The following MYO3A variants were observed in gnomAD, a reference collection of about 807,000 sequenced individuals.
MYO3A encodes myosin IIIA.
In MYO3A, 180 loss-of-function variants were observed where a neutral mutation model predicts 192.7. The ratio of observed to expected loss-of-function variants is 0.93; its 90% CI spans 0.83 to 1.06. The LOEUF is 1.06. Among genes scored for constraint, MYO3A ranks in the 50% least tolerant of loss-of-function variants. The pLI is 0.00. For missense variants in MYO3A, 1,896 were observed against 1,905.0 expected, an observed-to-expected ratio of 1.00 and a Z score of 0.09; for synonymous variants, 628 against 645.3, an observed-to-expected ratio of 0.97 and a Z score of 0.41.
intron 17 of MYO3A, among the ~76,000 whole-genome samples, chr10:26,102,844 G>A (rs551364549): frequency 6.6e-6 from 1 of 152,320 alleles, no homozygotes; most frequent in South Asian, 2.1e-4. Context: ...GCTACTCAGG[G>A]GTCAGGGACC....
intron 10 of MYO3A, among the ~76,000 whole-genome samples, chr10:26,027,298 A>G (rs1181185494): frequency 6.6e-6 from 1 of 152,170 alleles, no homozygotes; most frequent in Non-Finnish European, 1.5e-5. Flanking sequence ...ATAATCAAGT[A>G]TAACATTTTA....
At chr10:26,146,767 ACTATATTGGATC>A (rs749041162) in intron 22 of MYO3A, among the ~76,000 whole-genome samples, 14 of 152,230 alleles carry the variant, frequency 9.2e-5, no homozygotes, top group Admixed American at 2.0e-4. Context: ...CATAACAAAT[ACTATATTGGATC>A]ATTTCCACAA....
chr10:25,990,509 A>G (rs998885153), intron 4 of MYO3A, among the ~76,000 whole-genome samples: 6 of 149,968 alleles, frequency 4.0e-5, no homozygotes, highest in African/African-American at 1.5e-4. Context: ...TCTTTTTTTA[A>G]TATATATATT....
At chr10:26,074,519 A>G (rs1018993264) in intron 14 of MYO3A, among the ~76,000 whole-genome samples, 1 of 150,392 alleles carries the variant, frequency 6.6e-6, no homozygotes, top group African/African-American at 2.4e-5. Context: ...GTGTCTGTTC[A>G]TGCACCAGTG....
At chr10:26,077,333 T>C (rs1835657139) in intron 14 of MYO3A, among the ~76,000 whole-genome samples, 1 of 149,542 alleles carries the variant, frequency 6.7e-6, no homozygotes, top group Non-Finnish European at 1.5e-5. Context: ...GAATTACTGA[T>C]TTGTATATAT....
At chr10:26,009,329 C>T (rs1841464537) in intron 6 of MYO3A, among the ~76,000 whole-genome samples, 1 of 152,110 alleles carries the variant, frequency 6.6e-6, no homozygotes, top group South Asian at 2.1e-4. Context: ...CACATGTATA[C>T]ATATGTAACT....
At chr10:25,975,477 C>T (rs1174210460) in intron 4 of MYO3A, among the ~76,000 whole-genome samples, 1 of 152,124 alleles carries the variant, frequency 6.6e-6, no homozygotes, top group African/African-American at 2.4e-5. Flanking sequence ...AACACGTGTC[C>T]AACTTATCCC....
At chr10:25,947,036 G>C (rs1383847550) in intron 2 of MYO3A, among the ~76,000 whole-genome samples, 11 of 150,894 alleles carry the variant, frequency 7.3e-5, no homozygotes, top group Non-Finnish European at 1.0e-4. Flanking sequence ...TTTCTATCTT[G>C]AACTCTCATA....
At chr10:26,103,500 C>G (rs984976636) in intron 17 of MYO3A, among the ~76,000 whole-genome samples, 1 of 152,128 alleles carries the variant, frequency 6.6e-6, no homozygotes, top group South Asian at 2.1e-4. Context: ...TGTTCCTATT[C>G]GGCCATCTTG....
chr10:26,120,755 A>G lies in MYO3A; in HGVS notation c.1856A>G (p.His619Arg), dbSNP rs1326843152. ...GAATTTTCTTCTGTGGCAACTGAAC[A>G]CCAGATTGACAAGAGCCACATTTCT... ...NIEFSSVATE[H>R]QIDKSHISNH... Residue 619 changes from histidine to arginine, a missense_variant, in exon 18 of 35, where the codon CAC becomes CGC. Physicochemically the swap from His to Arg is conservative, Grantham distance 29. Transcript: ENST00000642920. 10 of 1,613,992 alleles carry G rather than the reference A, an allele frequency of 6.2e-6. No individual in the cohort carries two copies. Among genetic ancestry groups the G allele is most frequent in the Non-Finnish European group, 8.5e-6 (10 of 1,179,996 alleles).
chr10:26,052,712 A>T (rs576036013), intron 10 of MYO3A, among the ~76,000 whole-genome samples: 100 of 152,364 alleles, frequency 6.6e-4, no homozygotes, highest in African/African-American at 2.3e-3. Flanking sequence ...ACCTTAGGTG[A>T]TACAGCTTGA....
chr10:26,103,606 G>A (rs1837612491), intron 17 of MYO3A, among the ~76,000 whole-genome samples: 1 of 152,146 alleles, frequency 6.6e-6, no homozygotes, highest in South Asian at 2.1e-4. Flanking sequence ...GGCAACATTT[G>A]GGTTGTTTTT....
chr10:25,998,531 T>A (rs1301427177), intron 6 of MYO3A, among the ~76,000 whole-genome samples: 1 of 152,046 alleles, frequency 6.6e-6, no homozygotes, highest in Non-Finnish European at 1.5e-5. Flanking sequence ...TCTGTCTGGG[T>A]TAGTGTACTA....
intron 34 of MYO3A, among the ~76,000 whole-genome samples, chr10:26,207,222 A>C (rs1039398362): frequency 6.6e-6 from 1 of 151,748 alleles, no homozygotes; most frequent in Non-Finnish European, 1.5e-5. Context: ...TTTTAGTTTG[A>C]TGTAATCCCA....
At chr10:26,183,297 G>A (rs974651775) in intron 31 of MYO3A, among the ~76,000 whole-genome samples, 4 of 152,272 alleles carry the variant, frequency 2.6e-5, no homozygotes, top group South Asian at 2.1e-4. Context: ...GGCCGAGGCC[G>A]GCGGATCACG....
intron 10 of MYO3A, among the ~76,000 whole-genome samples, chr10:26,044,471 TC>T (rs1843526825): frequency 6.6e-6 from 1 of 152,180 alleles, no homozygotes; most frequent in South Asian, 2.1e-4. Flanking sequence ...GATGGGCGAT[TC>T]CCCCTGGCTA....
intron 10 of MYO3A, among the ~76,000 whole-genome samples, chr10:26,046,067 C>A (rs1025610758): frequency 7.9e-5 from 12 of 152,102 alleles, no homozygotes; most frequent in African/African-American, 2.7e-4. Flanking sequence ...TTATAATAAA[C>A]CAGTAAGTGT....
intron 14 of MYO3A, among the ~76,000 whole-genome samples, chr10:26,083,136 G>C (rs776401314): frequency 6.6e-6 from 1 of 152,132 alleles, no homozygotes; most frequent in African/African-American, 2.4e-5. Context: ...CGAATTGTCA[G>C]CATGACTACT....
chr10:26,107,342 G>A (rs1338595260), intron 17 of MYO3A, among the ~76,000 whole-genome samples: 13 of 151,946 alleles, frequency 8.6e-5, no homozygotes, highest in African/African-American at 1.9e-4. Context: ...TTAGCCAGGC[G>A]TGGTGGCAGG....
Sources: allele counts gnomAD v4.1 joint callset (sites outside exome capture counted in the v4.1 genomes callset), GRCh38; gene constraint gnomAD v4.1.1; transcripts MANE v1.5; gene names NCBI Gene and HGNC (gene_info 2026-07-23, HGNC 2026-07-21).